PREX1: variants seen among roughly 807,000 people sequenced by gnomAD.
PREX1 encodes phosphatidylinositol 3,4,5-trisphosphate-dependent Rac exchanger 1 protein.
PREX1 carries 41 observed loss-of-function variants against 198.3 expected under a neutral mutation model. That is an observed-to-expected ratio of 0.21 (90% CI 0.16 to 0.27). PREX1 has a LOEUF of 0.27. Ranked by LOEUF, PREX1 falls within the 10% of genes least tolerant of loss-of-function variation. PREX1 has a pLI of 1.00. For synonymous variants in PREX1, 843 were observed against 887.2 expected (o/e 0.95, Z 0.89); for missense variants, 1,620 against 2,200.7 (o/e 0.74, Z 5.28).
chr20:48,798,629 T>C (rs576441827), intron 1 of PREX1, among the ~76,000 whole-genome samples: 34 of 152,210 alleles, frequency 2.2e-4, no homozygotes, highest in Non-Finnish European at 3.8e-4. Context: ...AGTGTACCTG[T>C]CAATCAGCTG....
At chr20:48,798,278 C>G (rs555337105) in intron 1 of PREX1, among the ~76,000 whole-genome samples, 11 of 152,332 alleles carry the variant, frequency 7.2e-5, no homozygotes. Flanking sequence ...GCTCTATCTC[C>G]ATCCACCTCC....
intron 1 of PREX1, among the ~76,000 whole-genome samples, chr20:48,820,587 G>C (rs1775203525): frequency 6.6e-6 from 1 of 152,196 alleles, no homozygotes; most frequent in Admixed American, 6.5e-5. Flanking sequence ...CACGATCTGA[G>C]AGCACAGGTG....
At chr20:48,809,002 G>T (rs1045979947) in intron 1 of PREX1, among the ~76,000 whole-genome samples, 14 of 152,354 alleles carry the variant, frequency 9.2e-5, no homozygotes, top group African/African-American at 3.1e-4. Flanking sequence ...GTAGGTCAGG[G>T]AACCTTTCTG....
At chr20:48,673,501 G>A (rs6095232) in intron 14 of PREX1, among the ~76,000 whole-genome samples, 1 of 152,158 alleles carries the variant, frequency 6.6e-6, no homozygotes, top group Non-Finnish European at 1.5e-5. Flanking sequence ...GAGCACTGAA[G>A]GAGCTTGGGA....
At chr20:48,724,065 G>A (rs1043074676) in intron 5 of PREX1, among the ~76,000 whole-genome samples, 2 of 152,170 alleles carry the variant, frequency 1.3e-5, no homozygotes, top group East Asian at 1.9e-4. Context: ...GACCTTAGAC[G>A]CCATTTAGGG....
At chr20:48,826,426 A>C (rs1258252213) in intron 1 of PREX1, among the ~76,000 whole-genome samples, 2 of 152,128 alleles carry the variant, frequency 1.3e-5, no homozygotes, top group African/African-American at 4.8e-5. Context: ...AAAGCAAAAG[A>C]AAAATGCAGC....
chr20:48,674,505 G>A (rs1412370125), intron 14 of PREX1, among the ~76,000 whole-genome samples: 2 of 152,054 alleles, frequency 1.3e-5, no homozygotes, highest in African/African-American at 4.8e-5. Context: ...CTCATCTTTG[G>A]GAGCCAATGT....
chr20:48,804,628 G>A (rs372463261), intron 1 of PREX1, among the ~76,000 whole-genome samples: 5 of 152,194 alleles, frequency 3.3e-5, no homozygotes, highest in South Asian at 2.1e-4. Flanking sequence ...CCTGATTTAC[G>A]CAGGGTACAT....
chr20:48,765,833 G>A (rs1311738204), intron 1 of PREX1, among the ~76,000 whole-genome samples: 1 of 152,204 alleles, frequency 6.6e-6, no homozygotes, highest in Non-Finnish European at 1.5e-5. Flanking sequence ...TAGGAACCGG[G>A]CCACACAGCA....
intron 1 of PREX1, among the ~76,000 whole-genome samples, chr20:48,752,998 G>A (rs1355140930): frequency 6.6e-6 from 1 of 152,126 alleles, no homozygotes; most frequent in Non-Finnish European, 1.5e-5. Flanking sequence ...AGTTCCTCTA[G>A]GTGATGCACA....
chr20:48,812,099 G>A (rs2090438954), intron 1 of PREX1, among the ~76,000 whole-genome samples: 1 of 152,172 alleles, frequency 6.6e-6, no homozygotes, highest in African/African-American at 2.4e-5. Context: ...TAATTTCTTT[G>A]GGCTAATAAG....
the PREX1 span, among the ~76,000 whole-genome samples, chr20:48,841,957 C>T: frequency 2.0e-5 from 3 of 152,202 alleles, no homozygotes; most frequent in African/African-American, 7.2e-5. Flanking sequence ...ATCTTTCATT[C>T]CCAGTATTTT....
intron 5 of PREX1, among the ~76,000 whole-genome samples, chr20:48,715,479 G>A (rs2089957917): frequency 6.6e-6 from 1 of 152,166 alleles, no homozygotes; most frequent in Non-Finnish European, 1.5e-5. Flanking sequence ...AATGGGTGCT[G>A]GGAAAAGGGA....
At chr20:48,848,823 G>A in the PREX1 span, among the ~76,000 whole-genome samples, 1 of 152,038 alleles carries the variant, frequency 6.6e-6, no homozygotes, top group Non-Finnish European at 1.5e-5. Context: ...TGCAACCTCC[G>A]CCTCTGGCAT....
chr20:48,852,387 C>G, the PREX1 span, among the ~76,000 whole-genome samples: 1 of 151,996 alleles, frequency 6.6e-6, no homozygotes, highest in Non-Finnish European at 1.5e-5. Context: ...AAATGCTTAT[C>G]CATTATGGGA....
intron 1 of PREX1, among the ~76,000 whole-genome samples, chr20:48,778,094 C>A (rs1031359510): frequency 1.3e-5 from 2 of 151,880 alleles, no homozygotes. Context: ...TGTCGCCAGG[C>A]AAAAGTACAG....
At chr20:48,799,090 G>A (rs191659209) in intron 1 of PREX1, among the ~76,000 whole-genome samples, 1 of 152,110 alleles carries the variant, frequency 6.6e-6, no homozygotes, top group African/African-American at 2.4e-5. Context: ...CACCACGTTG[G>A]CCAGACTGGT....
chr20:48,756,551 C>T (rs1052875012), intron 1 of PREX1, among the ~76,000 whole-genome samples: 14 of 152,000 alleles, frequency 9.2e-5, no homozygotes, highest in African/African-American at 3.1e-4. Flanking sequence ...ATCTATAACT[C>T]ATTTCATTAT....
intron 10 of PREX1, among the ~76,000 whole-genome samples, chr20:48,683,750 C>T (rs775059136): frequency 1.1e-4 from 16 of 152,168 alleles, no homozygotes; most frequent in Non-Finnish European, 2.4e-4. Flanking sequence ...GAAATCTCCC[C>T]ATCATTAAAT....
Sources: allele counts gnomAD v4.1 joint callset (sites outside exome capture counted in the v4.1 genomes callset), GRCh38; gene constraint gnomAD v4.1.1; transcripts MANE v1.5; gene names NCBI Gene and HGNC (gene_info 2026-07-23, HGNC 2026-07-21).